KIAA0586: variants seen among roughly 807,000 people sequenced by gnomAD.
KIAA0586 encodes KIAA0586, also known as protein TALPID3.
A neutral mutation model predicts 169.8 loss-of-function variants in KIAA0586; 144 were observed. That is an observed-to-expected ratio of 0.85 (90% confidence interval 0.74 to 0.97). The LOEUF is 0.97. Among genes scored for constraint, KIAA0586 ranks in the 50% least tolerant of loss-of-function variants. KIAA0586 has a pLI of 0.00. For missense variants in KIAA0586, 1,854 were observed against 1,823.0 expected (o/e 1.02, Z -0.31); for synonymous variants, 625 against 612.4 (o/e 1.02, Z -0.30).
Position 58,435,661 on chromosome 14 carries a change from A to C in KIAA0586, c.410+3204A>C, listed in dbSNP as rs556223255. On this transcript the variant is annotated intron_variant, in intron 4 of 30. Coordinates refer to ENST00000652326, the MANE Select transcript of KIAA0586 (RefSeq NM_001329943.3). ...TACCCATTTTATACTCAGTCACCAC[A>C]TACACACATAATACCCACAAACTTC... 1.6e-4 allele frequency among the ~76,000 whole-genome samples: 25 copies of C among 152,228 alleles called. No individual in the cohort carries two copies. In the South Asian group the frequency reaches 5.2e-3, roughly 32 times the overall value.
intron 9 of KIAA0586, among the ~76,000 whole-genome samples, 194 bp downstream of exon 9, chr14:58,453,667 A>G (rs1268534633): frequency 6.6e-6 from 1 of 152,090 alleles, no homozygotes; most frequent in African/African-American, 2.4e-5. Flanking sequence ...CATTTTTTCA[A>G]AATGCAGGTT....
In KIAA0586 at chr14:58,498,870, C is replaced by G. The variant is rs780106786; in HGVS notation, c.4078C>G (p.Leu1360Val). 2 of 1,613,018 alleles carry G rather than the reference C, an allele frequency of 1.2e-6. No homozygotes were observed. Among genetic ancestry groups the G allele is most frequent in the South Asian group, 2.2e-5 (2 of 90,766 alleles). ...AAENILMGHS[L>V]YMQPPVTNTQ... Reference sequence around the variant, plus strand: ...AGAGAACATCTTAATGGGACATTCTCTCTATATGCAGCCACCTGTCACTAA... The same window carrying G: ...AGAGAACATCTTAATGGGACATTCTGTCTATATGCAGCCACCTGTCACTAA... The change falls in exon 27 of 31, where the codon CTC becomes GTC. Residue 1360 changes from leucine (L) to valine (V), a missense_variant. By Grantham distance (32) the Leu-to-Val change is conservative. Coordinates refer to ENST00000652326, the MANE Select transcript of KIAA0586 (RefSeq NM_001329943.3).
intron 17 of KIAA0586, among the ~76,000 whole-genome samples, chr14:58,471,667 T>C (rs2041222427): frequency 6.6e-6 from 1 of 152,198 alleles, no homozygotes; most frequent in African/African-American, 2.4e-5. Context: ...AACCTTCTGT[T>C]TATTGAAACT....
intron 29 of KIAA0586, among the ~76,000 whole-genome samples, chr14:58,531,705 A>G (rs1407833809): frequency 6.6e-6 from 1 of 152,206 alleles, no homozygotes; most frequent in Non-Finnish European, 1.5e-5. Context: ...AGGATTATAA[A>G]TCATTCTGCT....
rs2044172208 is a variant in KIAA0586 at position 58,508,644 on chromosome 14, A to G, written c.4258A>G (p.Thr1420Ala). 6.3e-7 allele frequency: 1 copy of G among 1,596,432 alleles called. No individual in the cohort carries two copies. The highest frequency in any genetic ancestry group is 1.1e-5 in the South Asian group (1 of 87,812). The change falls in exon 28 of 31, where the codon ACA becomes GCA. Residue 1420 changes from threonine to alanine, a missense_variant. By Grantham distance (58) the Thr-to-Ala change is moderately conservative. Coordinates refer to ENST00000652326, the MANE Select transcript of KIAA0586 (RefSeq NM_001329943.3). ...LEPNSKLVLPTTLLTAQENDV... is the reference protein window; with the variant it reads ...LEPNSKLVLPATLLTAQENDV... ...GCCAAATTCTAAGCTGGTTCTTCCC[A>G]CAACACTTCTGACAGCACAAGAAAA...
At chr14:58,530,016 G>A (rs55946499) in intron 29 of KIAA0586, among the ~76,000 whole-genome samples, 2,548 of 152,178 alleles carry the variant, frequency 0.017, 77 homozygotes, top group African/African-American at 0.056. Flanking sequence ...AAGTCTCAGG[G>A]TACAAAATCA....
At chr14:58,470,961 C>T (rs1290504290) in intron 17 of KIAA0586, among the ~76,000 whole-genome samples, 1 of 152,024 alleles carries the variant, frequency 6.6e-6, no homozygotes. Flanking sequence ...AACCAATTCT[C>T]CTGCCTCAGC....
chr14:58,447,683 G>A (rs1448039079), intron 6 of KIAA0586, among the ~76,000 whole-genome samples: 1 of 151,930 alleles, frequency 6.6e-6, no homozygotes, highest in African/African-American at 2.4e-5. Context: ...GTTTCACCAT[G>A]TTGGCCAGAC....
Position 58,428,369 on chromosome 14 carries a change from G to A in KIAA0586, c.105G>A (p.Leu35=). 6.2e-7 allele frequency: 1 copy of A among 1,613,962 alleles called. No individual in the cohort carries two copies. Among genetic ancestry groups the A allele is most frequent in the Non-Finnish European group, 8.5e-7 (1 of 1,179,878 alleles). ...AAAATCATGGAGATCATTTGGTTTT[G>A]CTGAAAGATGAGTTGCCCTGTGTTC... ...VSQNHGDHLV[L]LKDELPCVPP... The change falls in exon 1 of 31, where the codon TTG becomes TTA. Residue 35 remains leucine, a synonymous_variant. Coordinates refer to ENST00000652326, the MANE Select transcript of KIAA0586 (RefSeq NM_001329943.3).
In KIAA0586 at chr14:58,487,401, G is replaced by T. The variant is rs184342566; in HGVS notation, c.3304+235G>T. Reference sequence around the variant, plus strand: ...AGGCGGGTGAATCACGAGGTCAGGAGTTTGAGACCAGCCTGACCAACATGG... The same window carrying T: ...AGGCGGGTGAATCACGAGGTCAGGATTTTGAGACCAGCCTGACCAACATGG... On this transcript the variant is annotated intron_variant, in intron 22 of 30. Transcript: ENST00000652326. Among the ~76,000 whole-genome samples the T allele has an allele frequency of 2.6e-3, 390 of 152,290 alleles. 4 individuals carry two copies. The highest frequency in any genetic ancestry group is 9.0e-3 in the African/African-American group (374 of 41,578).
chr14:58,553,179 C>T (rs1353538256), downstream of KIAA0586, among the ~76,000 whole-genome samples: 1 of 152,160 alleles, frequency 6.6e-6, no homozygotes, highest in Non-Finnish European at 1.5e-5. Context: ...GTAATTACAA[C>T]AACAGCCTGA....
intron 14 of KIAA0586, among the ~76,000 whole-genome samples, chr14:58,464,416 C>G (rs919414857): frequency 5.1e-5 from 2 of 39,208 alleles, no homozygotes; most frequent in African/African-American, 1.1e-4. Context: ...TTGGCAGTTC[C>G]TGCATTTAAA....
rs2141024978 is a variant in KIAA0586, at chr14:58,474,711, A to G, written c.2739A>G (p.Pro913=). ...AATATAATGGTCCTCCATTTCCGCC[A>G]GTTGCTTCTACTTTTCAGCCCACTG... ...STKYNGPPFP[P]VASTFQPTAD... Residue 913 remains proline (P), a synonymous_variant, in exon 19 of 31, where the codon CCA becomes CCG. Transcript: ENST00000652326. 1 of 1,613,572 alleles carries G rather than the reference A, an allele frequency of 6.2e-7. No individual in the cohort carries two copies.
chr14:58,501,170 G>C (rs1350042503), intron 27 of KIAA0586, among the ~76,000 whole-genome samples: 3 of 152,150 alleles, frequency 2.0e-5, no homozygotes, highest in Non-Finnish European at 4.4e-5. Flanking sequence ...AAAAGGAAAA[G>C]CCTGAAGTAT....
intron 21 of KIAA0586, among the ~76,000 whole-genome samples, chr14:58,483,884 G>A (rs1467802980): frequency 1.3e-5 from 2 of 152,042 alleles, no homozygotes; most frequent in African/African-American, 4.8e-5. Context: ...TTTTATTTTT[G>A]TAGAGATTGT....
intron 29 of KIAA0586, among the ~76,000 whole-genome samples, chr14:58,514,836 T>TA (rs1331479214): frequency 6.6e-6 from 1 of 152,058 alleles, no homozygotes; most frequent in Non-Finnish European, 1.5e-5. Flanking sequence ...AAGTACTTTT[T>TA]AAAAAAGTAT....
chr14:58,538,393 T>TA (rs1294881818), intron 29 of KIAA0586, among the ~76,000 whole-genome samples: 3 of 152,196 alleles, frequency 2.0e-5, no homozygotes, highest in African/African-American at 7.2e-5. Flanking sequence ...TATCTTCTTA[T>TA]AAAAATCCAC....
At chr14:58,467,673 A>G in intron 15 of KIAA0586, 62 bp from the exon 16 acceptor site, 1 of 1,166,194 alleles carries the variant, frequency 8.6e-7, no homozygotes, top group South Asian at 1.4e-5. Flanking sequence ...TCCAGATGGT[A>G]TATTAGACTT....
chr14:58,514,431 T>C (rs963856530), intron 29 of KIAA0586, among the ~76,000 whole-genome samples: 1 of 152,058 alleles, frequency 6.6e-6, no homozygotes, highest in Non-Finnish European at 1.5e-5. Context: ...CTTCCAAGAA[T>C]ACTAGAACCC....
Sources: gnomAD v4.1 joint callset for allele counts (sites outside exome capture counted in the v4.1 genomes callset) on GRCh38, gnomAD v4.1.1 for gene constraint, MANE v1.5 for transcripts, NCBI Gene and HGNC (gene_info 2026-07-23, HGNC 2026-07-21) for gene names.